The following CIRSR variants were observed in gnomAD, a reference collection of about 807,000 sequenced individuals.
CIRSR encodes the protein corepressor of RBPJ and splicing regulator.
chr2:174,353,246 C>CA, the CIRSR span, among the ~76,000 whole-genome samples: 1 of 152,072 alleles, frequency 6.6e-6, no homozygotes, highest in Non-Finnish European at 1.5e-5. Flanking sequence ...TAAAAACAAA[C>CA]AAAAACACCT....
the CIRSR span, among the ~76,000 whole-genome samples, chr2:174,365,186 C>A: frequency 1.3e-5 from 2 of 152,154 alleles, no homozygotes; most frequent in African/African-American, 4.8e-5. Context: ...AGGGCAGGAG[C>A]AAAATGCTGC....
the CIRSR span, among the ~76,000 whole-genome samples, chr2:174,351,207 AACTC>A: frequency 6.6e-6 from 1 of 152,218 alleles, no homozygotes; most frequent in Admixed American, 6.5e-5. Context: ...TAGCCCTTCA[AACTC>A]AATCATTTTC....
the CIRSR span, among the ~76,000 whole-genome samples, chr2:174,364,308 C>T: frequency 6.6e-6 from 1 of 152,194 alleles, no homozygotes. Context: ...CAGCTCAGCC[C>T]CTGTGGCTTT....
chr2:174,390,357 T>C, the CIRSR span, among the ~76,000 whole-genome samples: 1 of 152,274 alleles, frequency 6.6e-6, no homozygotes, highest in African/African-American at 2.4e-5. Flanking sequence ...TGGACTTGCA[T>C]GGGGCCTGTA....
the CIRSR span, chr2:174,378,858 A>C: frequency 8.4e-7 from 1 of 1,191,472 alleles, no homozygotes; most frequent in Non-Finnish European, 1.3e-6. Flanking sequence ...GAAAGAGTAA[A>C]GAAAAATGTT....
chr2:174,365,618 T>G, the CIRSR span, among the ~76,000 whole-genome samples: 1 of 152,206 alleles, frequency 6.6e-6, no homozygotes, highest in African/African-American at 2.4e-5. Flanking sequence ...GAGGAGCAAG[T>G]CACATCTTTC....
chr2:174,363,129 G>A, the CIRSR span, among the ~76,000 whole-genome samples: 1 of 152,172 alleles, frequency 6.6e-6, no homozygotes, highest in Non-Finnish European at 1.5e-5. Context: ...GCCTACATGG[G>A]AAAATAAAGC....
At chr2:174,350,568 C>A in the CIRSR span, 1 of 718,480 alleles carries the variant, frequency 1.4e-6, no homozygotes, top group South Asian at 2.3e-5. Context: ...GGTATAAGGA[C>A]CTTCATGAGC....
the CIRSR span, among the ~76,000 whole-genome samples, chr2:174,369,632 G>T: frequency 6.6e-6 from 1 of 152,100 alleles, no homozygotes. Flanking sequence ...CCTTTCATTT[G>T]AACACTTAGA....
the CIRSR span, among the ~76,000 whole-genome samples, chr2:174,391,164 G>C: frequency 2.6e-5 from 4 of 152,058 alleles, no homozygotes; most frequent in Admixed American, 6.6e-5. Context: ...TAAAAATTTT[G>C]CTGCAAGAAC....
the CIRSR span, among the ~76,000 whole-genome samples, chr2:174,355,410 G>T: frequency 6.6e-6 from 1 of 152,126 alleles, no homozygotes; most frequent in Non-Finnish European, 1.5e-5. Context: ...ATTTGTGAGG[G>T]CTCCTTTCTA....
At chr2:174,355,510 T>C in the CIRSR span, among the ~76,000 whole-genome samples, 1 of 152,238 alleles carries the variant, frequency 6.6e-6, no homozygotes, top group Non-Finnish European at 1.5e-5. Flanking sequence ...TCAACATTCA[T>C]TTATTTTACA....
the CIRSR span, among the ~76,000 whole-genome samples, chr2:174,367,424 A>T: frequency 1.4e-4 from 22 of 152,058 alleles, no homozygotes; most frequent in Non-Finnish European, 2.5e-4. Context: ...CTAAAACTAC[A>T]AAAAAATTAG....
the CIRSR span, among the ~76,000 whole-genome samples, chr2:174,365,325 C>T: frequency 8.5e-5 from 13 of 152,314 alleles, no homozygotes; most frequent in East Asian, 2.1e-3. Context: ...AGCTATTCAA[C>T]AAGTCTCTAG....
At chr2:174,387,787 A>C in the CIRSR span, 1 of 1,565,288 alleles carries the variant, frequency 6.4e-7, no homozygotes, top group Non-Finnish European at 8.6e-7. Context: ...TACCTAGATT[A>C]GTGAAGTAAA....
chr2:174,383,105 A>G, the CIRSR span, among the ~76,000 whole-genome samples: 11 of 152,338 alleles, frequency 7.2e-5, no homozygotes, highest in East Asian at 2.1e-3. Context: ...CCGTGGGTCA[A>G]CTTCAAAAGC....
At chr2:174,350,828 G>T in the CIRSR span, 1 of 1,019,774 alleles carries the variant, frequency 9.8e-7, no homozygotes. Flanking sequence ...TTATAAATAA[G>T]TTTTGTATCA....
At chr2:174,360,215 T>C in the CIRSR span, among the ~76,000 whole-genome samples, 1 of 152,116 alleles carries the variant, frequency 6.6e-6, no homozygotes, top group Non-Finnish European at 1.5e-5. Context: ...AAATAAATAA[T>C]TTTAAAAAAC....
chr2:174,359,881 T>TA, the CIRSR span, among the ~76,000 whole-genome samples: 1 of 152,106 alleles, frequency 6.6e-6, no homozygotes, highest in Non-Finnish European at 1.5e-5. Flanking sequence ...TATGCAGCCA[T>TA]AAAAAAGGAT....
Sources: gnomAD v4.1 joint callset for allele counts (sites outside exome capture counted in the v4.1 genomes callset) on GRCh38, gnomAD v4.1.1 for gene constraint, MANE v1.5 for transcripts, NCBI Gene and HGNC (gene_info 2026-07-23, HGNC 2026-07-21) for gene names.